Variants in CCT5 observed in about 807,000 individuals in gnomAD.
The protein encoded by CCT5 is T-complex protein 1 subunit epsilon.
CCT5 carries 6 observed loss-of-function variants against 55.0 expected under a neutral mutation model. That is an observed-to-expected ratio of 0.11 (90% confidence interval 0.06 to 0.22). The LOEUF is 0.22. CCT5 is among the 10% of genes least tolerant of loss of function. CCT5 has a pLI of 1.00. For synonymous variants in CCT5, 231 were observed against 243.7 expected (o/e 0.95, Z 0.49); for missense variants, 560 against 694.6 (o/e 0.81, Z 2.18).
At chr5:10,257,727 T>C (rs1745753490) in intron 4 of CCT5, among the ~76,000 whole-genome samples, 1 of 152,232 alleles carries the variant, frequency 6.6e-6, no homozygotes, top group African/African-American at 2.4e-5. Context: ...GAGTGATTAC[T>C]TACCTTTCCC....
intron 1 of CCT5, 42 bp downstream of exon 1, chr5:10,250,487 T>G (rs1230992752): frequency 6.2e-7 from 1 of 1,608,408 alleles, no homozygotes; most frequent in Non-Finnish European, 8.5e-7. Context: ...TAAGGGGAGG[T>G]GGCCGAGGCC....
Position 10,261,545 on chromosome 5 carries a change from G to T in CCT5, c.994-15G>T. The T allele has an allele frequency of 1.2e-6, 2 of 1,613,602 alleles. No individual in the cohort carries two copies. Among genetic ancestry groups the T allele is most frequent in the South Asian group, 2.2e-5 (2 of 90,964 alleles). On this transcript the variant is annotated splice_polypyrimidine_tract_variant and intron_variant, in intron 7 of 10. Coordinates refer to ENST00000280326, the MANE Select transcript of CCT5 (RefSeq NM_012073.5). Reference sequence around the variant, plus strand: ...CAGTACTGTCTTCATCCTTCTCCCTGACCACCCCAATTAGCTGATTGCCAT... The same window carrying T: ...CAGTACTGTCTTCATCCTTCTCCCTTACCACCCCAATTAGCTGATTGCCAT...
intron 1 of CCT5, among the ~76,000 whole-genome samples, chr5:10,253,142 A>G (rs1745511640): frequency 6.6e-6 from 1 of 152,180 alleles, no homozygotes. Flanking sequence ...CCTGGCCAAC[A>G]TGGCAAAACC....
At chr5:10,251,053 G>A (rs563791768) in intron 1 of CCT5, among the ~76,000 whole-genome samples, 1 of 152,356 alleles carries the variant, frequency 6.6e-6, no homozygotes, top group South Asian at 2.1e-4. Context: ...CGTGGTGCTG[G>A]AGGACAGCTT....
rs1014806791 is a variant in CCT5, at chr5:10,263,176, G to A, written c.1360G>A (p.Ala454Thr). The change falls in exon 10 of 11, where the codon GCA (alanine) becomes ACA (threonine). Residue 454 changes from alanine to threonine, a missense_variant. Transcript: ENST00000280326. ...EQYAMRAFADALEVIPMALSE... is the reference protein window; with the variant it reads ...EQYAMRAFADTLEVIPMALSE... ...GTATGCCATGAGAGCGTTTGCCGAC[G>A]CACTGGAGGTCATCCCCATGGCCCT... is the stretch of plus-strand genomic sequence containing the variant. 11 of 1,614,018 alleles carry A rather than the reference G, an allele frequency of 6.8e-6. No individual in the cohort carries two copies. The highest frequency in any genetic ancestry group is 1.3e-5 in the African/African-American group (1 of 74,902).
rs913771814 is a variant in CCT5, at chr5:10,261,719, A to G, written c.1153A>G (p.Ile385Val). ...GTGTAAGAACTCCAGAGCTGTAACC[A>G]TTTTTATTAGAGGAGGAAATAAGAT... is the stretch of plus-strand genomic sequence containing the variant. ...EQCKNSRAVT[I>V]FIRGGNKMII... The change falls in exon 8 of 11, where the codon ATT (isoleucine) becomes GTT (valine). Residue 385 changes from isoleucine to valine, a missense_variant. Around this residue, in one of 4 missense-constraint regions of CCT5, gnomAD observed 256 missense variants for 372.4 expected, o/e 0.69. Transcript: ENST00000280326. The G allele has an allele frequency of 9.9e-6, 16 of 1,613,948 alleles. No homozygotes were observed. Among genetic ancestry groups the G allele is most frequent in the Middle Eastern group, 1.6e-4 (1 of 6,084 alleles).
intron 1 of CCT5, chr5:10,250,845 C>G (rs1201538265): frequency 1.9e-6 from 2 of 1,057,218 alleles, no homozygotes; most frequent in African/African-American, 1.7e-5. Context: ...CTTAACCTTT[C>G]GCTGGTCCAC....
intron 1 of CCT5, among the ~76,000 whole-genome samples, chr5:10,252,323 C>A (rs1343839468): frequency 6.6e-6 from 1 of 152,148 alleles, no homozygotes; most frequent in Non-Finnish European, 1.5e-5. Flanking sequence ...AATGTATAGG[C>A]CAGGACGTGA....
intron 1 of CCT5, among the ~76,000 whole-genome samples, chr5:10,253,789 T>A (rs1745545034): frequency 6.6e-6 from 1 of 152,188 alleles, no homozygotes; most frequent in Non-Finnish European, 1.5e-5. Flanking sequence ...CAATTCCCCA[T>A]GGATGCTCAG....
intron 6 of CCT5, among the ~76,000 whole-genome samples, chr5:10,258,837 CA>C (rs1477075733): frequency 2.6e-5 from 4 of 152,104 alleles, no homozygotes; most frequent in Non-Finnish European, 5.9e-5. Context: ...ACTAAAAACA[CA>C]AAAAATTAGC....
Position 10,258,382 on chromosome 5 carries a change from A to G in CCT5, c.724-4A>G, listed in dbSNP as rs1293672678. The G allele has an allele frequency of 2.5e-6, 4 of 1,614,124 alleles. No homozygotes were observed. Among genetic ancestry groups the G allele is most frequent in the Admixed American group, 1.7e-5 (1 of 60,030 alleles). On this transcript the variant is annotated splice_polypyrimidine_tract_variant and splice_region_variant and intron_variant, in intron 5 of 10. Coordinates refer to ENST00000280326, the MANE Select transcript of CCT5 (RefSeq NM_012073.5). Reference sequence around the variant, plus strand: ...AATTAAAATGTCTTTATGTTCCCCCATAGAAAGTGGAAGATGCGAAGATTG... The same window carrying G: ...AATTAAAATGTCTTTATGTTCCCCCGTAGAAAGTGGAAGATGCGAAGATTG...
intron 9 of CCT5, 67 bp downstream of exon 9, chr5:10,262,685 G>C: frequency 1.3e-6 from 2 of 1,546,644 alleles, no homozygotes; most frequent in South Asian, 1.1e-5. Flanking sequence ...GTGAAGCTGC[G>C]GAACAGCGAG....
intron 9 of CCT5, 94 bp downstream of exon 9, chr5:10,262,712 A>G (rs1746028289): frequency 3.0e-6 from 4 of 1,339,562 alleles, no homozygotes; most frequent in Middle Eastern, 1.8e-4. Context: ...GATGCAAAAC[A>G]AGCATCGTGA....
upstream of CCT5, chr5:10,250,113 G>T (rs1024019018): frequency 1.1e-4 from 174 of 1,535,838 alleles, no homozygotes; most frequent in Non-Finnish European, 1.4e-4. Flanking sequence ...TCCACTAAGT[G>T]TCTTCAAACC....
At chr5:10,262,707 A>C in intron 9 of CCT5, 89 bp downstream of exon 9, 1 of 1,401,494 alleles carries the variant, frequency 7.1e-7, no homozygotes. Context: ...TGCTGGATGC[A>C]AAACAAGCAT....
At chr5:10,255,026 G>T (rs920046013) in intron 3 of CCT5, 188 bp downstream of exon 3, 19 of 615,204 alleles carry the variant, frequency 3.1e-5, no homozygotes, top group Non-Finnish European at 5.5e-5. Flanking sequence ...ACAGAAAGAG[G>T]GCTGGGGATT....
At chr5:10,253,928 C>T (rs748119942) in intron 1 of CCT5, among the ~76,000 whole-genome samples, 1 of 152,204 alleles carries the variant, frequency 6.6e-6, no homozygotes, top group Middle Eastern at 3.2e-3. Context: ...AGTGAGATAA[C>T]ACAAAGCACT....
chr5:10,261,825 G>T, intron 8 of CCT5, 80 bp downstream of exon 8: 2 of 1,064,084 alleles, frequency 1.9e-6, no homozygotes, highest in Non-Finnish European at 2.9e-6. Context: ...GTATTTAACA[G>T]AGACACAGTC....
chr5:10,256,707 T>C (rs887487421), intron 4 of CCT5, among the ~76,000 whole-genome samples: 1 of 146,104 alleles, frequency 6.8e-6, no homozygotes, highest in Non-Finnish European at 1.5e-5. Flanking sequence ...AAAAGTCAAC[T>C]AGAAAGGGTC....
Sources: allele counts gnomAD v4.1 joint callset (sites outside exome capture counted in the v4.1 genomes callset), GRCh38; gene constraint gnomAD v4.1.1; regional missense constraint gnomAD v4.1.1; transcripts MANE v1.5; gene names NCBI Gene and HGNC (gene_info 2026-07-23, HGNC 2026-07-21).